ZMYM2: variants seen among roughly 807,000 people sequenced by gnomAD.
The protein encoded by ZMYM2 is zinc finger MYM-type protein 2.
Under a neutral mutation model 162.8 loss-of-function variants are expected in ZMYM2, and 56 were observed. That is an observed-to-expected ratio of 0.34 (90% CI 0.28 to 0.43). The LOEUF is 0.43. Ranked by LOEUF, ZMYM2 falls within the 20% of genes least tolerant of loss-of-function variation. ZMYM2 has a pLI of 1.00. For synonymous variants in ZMYM2, 510 were observed against 541.6 expected, an observed-to-expected ratio of 0.94 and a Z score of 0.81; for missense variants, 1,275 against 1,621.8, an observed-to-expected ratio of 0.79 and a Z score of 3.67.
the ZMYM2 span, among the ~76,000 whole-genome samples, chr13:19,883,050 C>T: frequency 6.6e-6 from 1 of 152,108 alleles, no homozygotes; most frequent in Non-Finnish European, 1.5e-5. Context: ...TCTATACATA[C>T]AATGGAATAT....
upstream of ZMYM2, chr13:19,958,554 C>G (rs1954729862): frequency 3.3e-5 from 5 of 151,418 alleles, no homozygotes; most frequent in Admixed American, 3.3e-4. Context: ...GGGAGTGGCC[C>G]GCACCTGACG....
At position 20,082,883 on chromosome 13, in the gene ZMYM2, C is replaced by CT; in HGVS notation, c.3672dup (p.Lys1225Ter). The CT allele has an allele frequency of 6.2e-7, 1 of 1,613,910 alleles. No individual in the cohort carries two copies. The highest frequency in any genetic ancestry group is 8.5e-7 in the Non-Finnish European group (1 of 1,179,858). On this transcript the variant is annotated frameshift_variant, in exon 23 of 25. Transcript: ENST00000610343. LOFTEE classifies it high-confidence loss of function. Reference sequence around the variant, plus strand: ...CTGAATACACTGTTCTACTTTAACACTAAGTATTTTGGCCTGAAAACAGTG... The same window carrying CT: ...CTGAATACACTGTTCTACTTTAACACTTAAGTATTTTGGCCTGAAAACAGTG...
intron 7 of ZMYM2, among the ~76,000 whole-genome samples, chr13:20,021,184 C>T (rs1033425448): frequency 2.0e-4 from 30 of 152,022 alleles, no homozygotes; most frequent in African/African-American, 7.0e-4. Flanking sequence ...ACCGTGTTAG[C>T]CAGGATGGTC....
At chr13:20,043,084 G>A (rs967658086) in intron 12 of ZMYM2, among the ~76,000 whole-genome samples, 3 of 152,068 alleles carry the variant, frequency 2.0e-5, no homozygotes, top group Non-Finnish European at 4.4e-5. Flanking sequence ...GGAATAAGGT[G>A]GATTCAGCCA....
chr13:19,905,458 C>T, the ZMYM2 span, among the ~76,000 whole-genome samples: 1 of 152,144 alleles, frequency 6.6e-6, no homozygotes, highest in Non-Finnish European at 1.5e-5. Context: ...TGGAAACCAA[C>T]CAATCCAGAG....
chr13:19,888,112 C>A, the ZMYM2 span, among the ~76,000 whole-genome samples: 1 of 151,812 alleles, frequency 6.6e-6, no homozygotes, highest in South Asian at 2.1e-4. Context: ...CTCCTGGGCT[C>A]AAGTGATCCT....
chr13:19,908,026 G>T, the ZMYM2 span, among the ~76,000 whole-genome samples: 6 of 152,168 alleles, frequency 3.9e-5, no homozygotes, highest in South Asian at 1.2e-3. Context: ...GGTGGCTCAC[G>T]CCAGTAATCC....
At chr13:19,889,303 T>G in the ZMYM2 span, among the ~76,000 whole-genome samples, 1 of 151,892 alleles carries the variant, frequency 6.6e-6, no homozygotes, top group Non-Finnish European at 1.5e-5. Context: ...TTGGTTGTTT[T>G]GGAATTTATT....
chr13:19,909,152 T>C, the ZMYM2 span, among the ~76,000 whole-genome samples: 2 of 152,230 alleles, frequency 1.3e-5, no homozygotes, highest in African/African-American at 4.8e-5. Flanking sequence ...ATAATTTTTT[T>C]CCTAACATTT....
the ZMYM2 span, among the ~76,000 whole-genome samples, chr13:19,867,127 T>C: frequency 1.3e-5 from 2 of 151,460 alleles, no homozygotes; most frequent in Admixed American, 6.6e-5. Flanking sequence ...CTGAGGCGGG[T>C]GGATCACCTG....
At chr13:19,875,837 G>C in the ZMYM2 span, among the ~76,000 whole-genome samples, 1 of 151,868 alleles carries the variant, frequency 6.6e-6, no homozygotes, top group East Asian at 1.9e-4. Context: ...GGGAGGAAAA[G>C]AGGGGAAAAG....
Position 19,961,223 on chromosome 13 carries a change from G to T in ZMYM2, c.-11+1197G>T, listed in dbSNP as rs145232252. Among the ~76,000 whole-genome samples the T allele has an allele frequency of 5.3e-3, 806 of 150,788 alleles. 7 individuals are homozygous for T. The highest frequency in any genetic ancestry group is 0.018 in the African/African-American group (756 of 40,970). On this transcript the variant is annotated intron_variant, in intron 2 of 24. Coordinates refer to ENST00000610343, the MANE Select transcript of ZMYM2 (RefSeq NM_197968.4). ...ATTCACATTCTAAAATTATCAATAC[G>T]TGCCCACACTAGTTTTTAACATGTG...
the ZMYM2 span, among the ~76,000 whole-genome samples, chr13:19,884,869 G>C: frequency 6.6e-6 from 1 of 152,074 alleles, no homozygotes; most frequent in Non-Finnish European, 1.5e-5. Context: ...TGCGGGTGCG[G>C]GTGGCCGGCT....
chr13:19,991,006 C>T (rs1317244354), intron 2 of ZMYM2, among the ~76,000 whole-genome samples: 1 of 151,700 alleles, frequency 6.6e-6, no homozygotes, highest in Non-Finnish European at 1.5e-5. Flanking sequence ...TGATCTGTCT[C>T]ATCTCCATTT....
chr13:19,993,209 C>G lies in ZMYM2; in HGVS notation c.137C>G (p.Ser46Cys), dbSNP rs976009335. Residue 46 changes from serine to cysteine, a missense_variant, in exon 3 of 25, where the codon TCT (serine) becomes TGT (cysteine). Ser to Cys is a moderately radical substitution (Grantham distance 112, BLOSUM62 -1). This residue lies in a region of ZMYM2 where 295 missense variants were observed against 286.7 expected (regional missense o/e 1.03). Coordinates refer to ENST00000610343, the MANE Select transcript of ZMYM2 (RefSeq NM_197968.4). ...CCAGCTAATCCTTTAGTGTCTAGAT[C>G]TAATAAGTTTCAGAACTCGTCAGTG... ...SGPANPLVSRSNKFQNSSVED... is the reference protein window; with the variant it reads ...SGPANPLVSRCNKFQNSSVED... 5 of 1,613,858 alleles carry G rather than the reference C, an allele frequency of 3.1e-6. No individual in the cohort carries two copies. The African/African-American group carries it at 4.0e-5, about 13-fold the overall frequency.
chr13:19,942,352 A>G, the ZMYM2 span, among the ~76,000 whole-genome samples: 2 of 151,998 alleles, frequency 1.3e-5, no homozygotes, highest in Admixed American at 6.6e-5. Flanking sequence ...TGGAATGGAA[A>G]TACAAATGTG....
chr13:20,001,616 G>C (rs576180985), intron 3 of ZMYM2, among the ~76,000 whole-genome samples: 3 of 152,166 alleles, frequency 2.0e-5, no homozygotes, highest in Non-Finnish European at 4.4e-5. Context: ...TGCAGGGTTT[G>C]AGAAGATTGA....
intron 7 of ZMYM2, chr13:20,024,337 AT>A (rs1202481410): frequency 4.9e-6 from 1 of 202,052 alleles, no homozygotes; most frequent in Non-Finnish European, 1.0e-5. Flanking sequence ...CATTCTGCCA[AT>A]AAAATCAGCG....
chr13:20,010,491 C>T (rs959469881), intron 6 of ZMYM2, among the ~76,000 whole-genome samples: 32 of 152,140 alleles, frequency 2.1e-4, no homozygotes, highest in African/African-American at 7.2e-4. Flanking sequence ...TGTGAGCCAC[C>T]GTACCTGGCC....
Sources: allele counts gnomAD v4.1 joint callset (sites outside exome capture counted in the v4.1 genomes callset), GRCh38; gene constraint gnomAD v4.1.1; regional missense constraint gnomAD v4.1.1; transcripts MANE v1.5; gene names NCBI Gene and HGNC (gene_info 2026-07-23, HGNC 2026-07-21).